PXYLP1: variants seen among roughly 807,000 people sequenced by gnomAD.
The protein encoded by PXYLP1 is acid phosphatase-like 2.
Under a neutral mutation model 37.9 loss-of-function variants are expected in PXYLP1, and 17 were observed. The ratio of observed to expected loss-of-function variants is 0.45; its 90% CI spans 0.31 to 0.67. The LOEUF (loss-of-function observed/expected upper bound fraction) is 0.67. Ranked by LOEUF, PXYLP1 falls within the 30% of genes least tolerant of loss-of-function variation. The pLI is 0.07. For synonymous variants in PXYLP1, 221 were observed against 232.2 expected, an observed-to-expected ratio of 0.95 and a Z score of 0.44; for missense variants, 511 against 612.0, an observed-to-expected ratio of 0.84 and a Z score of 1.74.
chr3:141,277,447 C>A (rs376486185), intron 2 of PXYLP1, among the ~76,000 whole-genome samples: 1 of 152,058 alleles, frequency 6.6e-6, no homozygotes, highest in East Asian at 1.9e-4. Context: ...GATTAGGGAC[C>A]ACTGAGACAG....
At chr3:141,270,426 G>A (rs1422199463) in intron 2 of PXYLP1, among the ~76,000 whole-genome samples, 1 of 152,198 alleles carries the variant, frequency 6.6e-6, no homozygotes, top group African/African-American at 2.4e-5. Context: ...TTGTGGTTCT[G>A]GTTTTCATTT....
At chr3:141,248,167 T>A (rs1941008306) in intron 1 of PXYLP1, among the ~76,000 whole-genome samples, 1 of 151,734 alleles carries the variant, frequency 6.6e-6, no homozygotes, top group South Asian at 2.1e-4. Flanking sequence ...GAACTACAGG[T>A]GCCCGCCACC....
At position 141,265,377 on chromosome 3, in the gene PXYLP1, C is replaced by G. The variant is rs151071725; in HGVS notation, c.79+5123C>G. Among the ~76,000 whole-genome samples, 662 of 151,234 alleles carry G rather than the reference C, an allele frequency of 4.4e-3. 6 individuals are homozygous for G. Among genetic ancestry groups the G allele is most frequent in the African/African-American group, 0.015 (605 of 41,208 alleles). On this transcript the variant is annotated intron_variant, in intron 2 of 5. Transcript: ENST00000286353. ...AAAGCACATTTTGTGCCCTTCCTTA[C>G]AGAATCAGAATCTTGGTGGTAGTGG...
chr3:141,241,218 C>CTGT (rs1940791508), intron 1 of PXYLP1, among the ~76,000 whole-genome samples: 1 of 152,182 alleles, frequency 6.6e-6, no homozygotes, highest in Non-Finnish European at 1.5e-5. Context: ...ATATACTGGG[C>CTGT]TGTAGTGCTT....
intron 1 of PXYLP1, among the ~76,000 whole-genome samples, chr3:141,253,386 G>A (rs1941188731): frequency 6.6e-6 from 1 of 152,146 alleles, no homozygotes; most frequent in Non-Finnish European, 1.5e-5. Flanking sequence ...TATCAGTGTT[G>A]GATGTATCAT....
chr3:141,287,473 G>T lies in PXYLP1; in HGVS notation c.505+20G>T, dbSNP rs201319981. The T allele has an allele frequency of 6.2e-7, 1 of 1,607,630 alleles. No individual in the cohort carries two copies. Among genetic ancestry groups the T allele is most frequent in the Non-Finnish European group, 8.5e-7 (1 of 1,176,190 alleles). ...AGACAGGTATGTGTGACCCCCATGCGCTCAGGGGTTCCCCCACCCGCTCTT... is the reference window on the plus strand; with the variant it reads ...AGACAGGTATGTGTGACCCCCATGCTCTCAGGGGTTCCCCCACCCGCTCTT... On this transcript the variant is annotated intron_variant, in intron 5 of 5. Coordinates refer to ENST00000286353, the MANE Select transcript of PXYLP1 (RefSeq NM_001037172.3).
intron 1 of PXYLP1, among the ~76,000 whole-genome samples, chr3:141,254,850 A>G (rs1333689540): frequency 6.6e-6 from 1 of 152,204 alleles, no homozygotes; most frequent in Non-Finnish European, 1.5e-5. Flanking sequence ...AACTGCACAA[A>G]TGAAAGGTAA....
intron 2 of PXYLP1, among the ~76,000 whole-genome samples, chr3:141,261,155 T>A (rs893006552): frequency 2.6e-5 from 4 of 152,142 alleles, no homozygotes; most frequent in African/African-American, 9.7e-5. Flanking sequence ...CCTTCCCCCG[T>A]TTTTTTCTTG....
At chr3:141,252,226 C>G (rs1234507898) in intron 1 of PXYLP1, among the ~76,000 whole-genome samples, 1 of 152,200 alleles carries the variant, frequency 6.6e-6, no homozygotes, top group Non-Finnish European at 1.5e-5. Flanking sequence ...GAGTTTGGTG[C>G]TGCCCTTTAT....
chr3:141,267,896 A>ATCCCT (rs1941559120), intron 2 of PXYLP1, among the ~76,000 whole-genome samples: 1 of 151,226 alleles, frequency 6.6e-6, no homozygotes, highest in African/African-American at 2.4e-5. Context: ...CCTCTCTCCC[A>ATCCCT]CCTTCCCTTT....
Position 141,289,664 on chromosome 3 carries a change from C to G in PXYLP1, c.505+2211C>G, listed in dbSNP as rs142113256. On this transcript the variant is annotated intron_variant, in intron 5 of 5. Coordinates refer to ENST00000286353, the MANE Select transcript of PXYLP1 (RefSeq NM_001037172.3). Reference sequence around the variant, plus strand: ...AATAAAAAAGCTGTCTTGTCCCTGCCTCTCTCTCTAATTTTTTGTTGTGTC... The same window carrying G: ...AATAAAAAAGCTGTCTTGTCCCTGCGTCTCTCTCTAATTTTTTGTTGTGTC... Among the ~76,000 whole-genome samples the G allele has an allele frequency of 8.2e-4, 125 of 152,294 alleles. 1 individual carries two copies. In the East Asian group the frequency reaches 0.02, roughly 24 times the overall value.
At chr3:141,233,363 G>T (rs1227524393) in intron 1 of PXYLP1, among the ~76,000 whole-genome samples, 1 of 151,754 alleles carries the variant, frequency 6.6e-6, no homozygotes, top group Non-Finnish European at 1.5e-5. Context: ...TACTCAGGAG[G>T]CTGAGACAGG....
intron 1 of PXYLP1, among the ~76,000 whole-genome samples, chr3:141,246,056 C>T (rs1350014873): frequency 6.6e-6 from 1 of 152,164 alleles, no homozygotes; most frequent in Admixed American, 6.5e-5. Flanking sequence ...GGAGAAGACA[C>T]CTAGCCTTTT....
At chr3:141,280,559 A>C (rs145123614) in intron 4 of PXYLP1, among the ~76,000 whole-genome samples, 101 of 152,336 alleles carry the variant, frequency 6.6e-4, no homozygotes, top group African/African-American at 2.3e-3. Context: ...GAGTATGCAT[A>C]GTTACTTAAT....
intron 1 of PXYLP1, among the ~76,000 whole-genome samples, chr3:141,257,482 G>T (rs145197516): frequency 5.1e-4 from 78 of 152,306 alleles, no homozygotes; most frequent in African/African-American, 1.8e-3. Context: ...GATACAAAGA[G>T]CATGAAAAAA....
chr3:141,239,332 G>A (rs1940738612), intron 1 of PXYLP1, among the ~76,000 whole-genome samples: 1 of 152,172 alleles, frequency 6.6e-6, no homozygotes. Flanking sequence ...GGCATTTATG[G>A]TCGAAGGTCA....
intron 2 of PXYLP1, among the ~76,000 whole-genome samples, chr3:141,271,619 T>C (rs1941665942): frequency 6.6e-6 from 1 of 152,168 alleles, no homozygotes; most frequent in South Asian, 2.1e-4. Context: ...GGGTCCCTGA[T>C]ACCCAACTGT....
intron 1 of PXYLP1, among the ~76,000 whole-genome samples, chr3:141,244,466 A>G (rs1402671352): frequency 1.3e-5 from 2 of 152,010 alleles, no homozygotes; most frequent in African/African-American, 4.8e-5. Flanking sequence ...TAGAGATCAC[A>G]CTGTTAATTT....
chr3:141,268,808 G>A (rs965280841), intron 2 of PXYLP1, among the ~76,000 whole-genome samples: 1 of 152,264 alleles, frequency 6.6e-6, no homozygotes, highest in African/African-American at 2.4e-5. Flanking sequence ...GTGCCTCAGA[G>A]CCGTAGCTCA....
Sources: allele counts gnomAD v4.1 joint callset (sites outside exome capture counted in the v4.1 genomes callset), GRCh38; gene constraint gnomAD v4.1.1; transcripts MANE v1.5; gene names NCBI Gene and HGNC (gene_info 2026-07-23, HGNC 2026-07-21).